Variants in GLRB observed in about 807,000 individuals in gnomAD.
The protein encoded by GLRB is glycine receptor subunit beta.
In GLRB, 33 loss-of-function variants were observed where a neutral mutation model predicts 54.2. The observed-to-expected ratio is 0.61, with a 90% confidence interval of 0.46 to 0.81. The LOEUF is 0.81. GLRB is among the 40% of genes least tolerant of loss of function. The pLI, the probability that GLRB is intolerant of heterozygous loss-of-function variation, is 0.00. For synonymous variants in GLRB, 209 were observed against 208.2 expected (o/e 1.00, Z -0.03); for missense variants, 572 against 584.6 (o/e 0.98, Z 0.22).
At position 157,152,452 on chromosome 4, in the gene GLRB, C is replaced by A. The variant is rs149623474; in HGVS notation, c.905-266C>A. 8.0e-3 allele frequency among the ~76,000 whole-genome samples: 1,216 copies of A among 152,094 alleles called. 21 individuals carry two copies. The highest frequency in any genetic ancestry group is 0.028 in the African/African-American group (1,160 of 41,490). ...GCCATCTTTAATATTGAAAACAGGTCCAAATTATATTTTTATACCCTGGTT... is the reference window on the plus strand; with the variant it reads ...GCCATCTTTAATATTGAAAACAGGTACAAATTATATTTTTATACCCTGGTT... On this transcript the variant is annotated intron_variant, in intron 8 of 9. Transcript: ENST00000264428.
chr4:157,168,890 G>A (rs1737816419), intron 9 of GLRB, among the ~76,000 whole-genome samples: 1 of 151,984 alleles, frequency 6.6e-6, no homozygotes. Flanking sequence ...TATAATCACA[G>A]AAGGATGTAT....
chr4:157,143,359 G>A (rs1404247268), intron 7 of GLRB, among the ~76,000 whole-genome samples: 3 of 151,608 alleles, frequency 2.0e-5, no homozygotes, highest in Non-Finnish European at 4.4e-5. Flanking sequence ...GATAAGAAGT[G>A]GTACATATGG....
At chr4:157,168,697 G>T (rs976237729) in intron 9 of GLRB, among the ~76,000 whole-genome samples, 2 of 151,456 alleles carry the variant, frequency 1.3e-5, no homozygotes, top group African/African-American at 4.9e-5. Flanking sequence ...ACATTTTTTG[G>T]GTATTTTTCT....
chr4:157,161,646 T>A (rs1737497372), intron 9 of GLRB, among the ~76,000 whole-genome samples: 1 of 152,246 alleles, frequency 6.6e-6, no homozygotes, highest in East Asian at 1.9e-4. Flanking sequence ...TTTAAGAATG[T>A]TGACTATTGG....
intron 9 of GLRB, 67 bp from the exon 10 acceptor site, chr4:157,170,365 C>T (rs1737871271): frequency 1.0e-5 from 9 of 898,652 alleles, no homozygotes; most frequent in South Asian, 4.3e-5. Flanking sequence ...TTAAAAATAT[C>T]GTTTGAAGAG....
chr4:157,079,414 T>C (rs998466680), intron 2 of GLRB, among the ~76,000 whole-genome samples: 5 of 152,180 alleles, frequency 3.3e-5, no homozygotes, highest in Non-Finnish European at 5.9e-5. Context: ...TATTTTGTAA[T>C]AGGTGTTTGT....
chr4:157,121,867 TTAAAA>T (rs1386864284), intron 3 of GLRB, among the ~76,000 whole-genome samples: 2 of 151,636 alleles, frequency 1.3e-5, no homozygotes, highest in African/African-American at 4.8e-5. Context: ...GAATTAAAAA[TTAAAA>T]TAATAATTAC....
chr4:157,117,616 A>G (rs549916982), intron 2 of GLRB, among the ~76,000 whole-genome samples: 2 of 151,760 alleles, frequency 1.3e-5, no homozygotes, highest in South Asian at 2.1e-4. Flanking sequence ...GGGGGAAGTC[A>G]TTACTCCTAA....
At chr4:157,135,175 A>T (rs1304057146) in intron 4 of GLRB, among the ~76,000 whole-genome samples, 1 of 152,150 alleles carries the variant, frequency 6.6e-6, no homozygotes, top group Non-Finnish European at 1.5e-5. Flanking sequence ...AACAACAAGT[A>T]TGTAAAATAT....
At chr4:157,109,207 T>A (rs1394071107) in intron 2 of GLRB, among the ~76,000 whole-genome samples, 2 of 152,068 alleles carry the variant, frequency 1.3e-5, no homozygotes, top group African/African-American at 4.8e-5. Context: ...TATTTCCTAT[T>A]GGTTCTGTCT....
intron 8 of GLRB, among the ~76,000 whole-genome samples, chr4:157,146,802 C>T (rs1736829502): frequency 6.6e-6 from 1 of 151,284 alleles, no homozygotes; most frequent in Admixed American, 6.6e-5. Context: ...GCCTGGGCAA[C>T]AGAGTGAGAC....
At chr4:157,095,417 G>A (rs1363436593) in intron 2 of GLRB, among the ~76,000 whole-genome samples, 1 of 152,060 alleles carries the variant, frequency 6.6e-6, no homozygotes, top group African/African-American at 2.4e-5. Context: ...TGTTAAGTTT[G>A]AGGTATCCAT....
chr4:157,078,823 G>A (rs1734130268), intron 2 of GLRB, among the ~76,000 whole-genome samples: 1 of 152,108 alleles, frequency 6.6e-6, no homozygotes, highest in African/African-American at 2.4e-5. Flanking sequence ...CCAGGCTGGA[G>A]TGCAGTGGCA....
At chr4:157,167,898 G>A (rs1487388432) in intron 9 of GLRB, among the ~76,000 whole-genome samples, 3 of 152,106 alleles carry the variant, frequency 2.0e-5, no homozygotes, top group Non-Finnish European at 4.4e-5. Context: ...GAGTGAGAGG[G>A]AGGGCAGGTG....
At chr4:157,127,864 T>A (rs116561943) in intron 4 of GLRB, among the ~76,000 whole-genome samples, 1 of 151,874 alleles carries the variant, frequency 6.6e-6, no homozygotes, top group Non-Finnish European at 1.5e-5. Flanking sequence ...ATGATTTTGG[T>A]CTTCTAAGCT....
intron 2 of GLRB, among the ~76,000 whole-genome samples, chr4:157,108,287 C>T (rs1454690239): frequency 1.3e-5 from 2 of 152,088 alleles, no homozygotes; most frequent in Non-Finnish European, 2.9e-5. Context: ...CTATATCTAT[C>T]ATAGATAGTA....
chr4:157,138,994 A>G, intron 7 of GLRB, 45 bp downstream of exon 7: 1 of 1,085,478 alleles, frequency 9.2e-7, no homozygotes, highest in Middle Eastern at 2.8e-4. Flanking sequence ...TTTCAAAGAT[A>G]CATTTTAATT....
At chr4:157,112,781 A>G (rs535912694) in intron 2 of GLRB, among the ~76,000 whole-genome samples, 12 of 151,958 alleles carry the variant, frequency 7.9e-5, no homozygotes, top group African/African-American at 2.9e-4. Flanking sequence ...CTAGGACAAG[A>G]CACCTTACTT....
intron 2 of GLRB, among the ~76,000 whole-genome samples, chr4:157,112,184 C>T (rs1055889002): frequency 1.1e-4 from 17 of 151,762 alleles, no homozygotes; most frequent in Non-Finnish European, 1.8e-4. Context: ...ACATCCAAAA[C>T]TAATTAAATC....
Sources: gnomAD v4.1 joint callset for allele counts (sites outside exome capture counted in the v4.1 genomes callset) on GRCh38, gnomAD v4.1.1 for gene constraint, MANE v1.5 for transcripts, NCBI Gene and HGNC (gene_info 2026-07-23, HGNC 2026-07-21) for gene names.